Variants in TRAF3IP1 observed in about 807,000 individuals in gnomAD.
The protein encoded by TRAF3IP1 is TRAF3-interacting protein 1.
In TRAF3IP1, 53 loss-of-function variants were observed where a neutral mutation model predicts 89.9. The observed-to-expected ratio is 0.59, with a 90% confidence interval of 0.47 to 0.74. The LOEUF is 0.74. Among genes scored for constraint, TRAF3IP1 ranks in the 30% least tolerant of loss-of-function variants. The pLI is 0.00. For missense variants in TRAF3IP1, 806 were observed against 866.1 expected (o/e 0.93, Z 0.87); for synonymous variants, 311 against 322.1 (o/e 0.97, Z 0.37).
intron 15 of TRAF3IP1, among the ~76,000 whole-genome samples, chr2:238,367,219 A>G (rs1243293253): frequency 1.3e-5 from 2 of 149,668 alleles, no homozygotes; most frequent in South Asian, 2.1e-4. Flanking sequence ...TTAGAATTAA[A>G]TAGAATTTAG....
chr2:238,369,115 T>C (rs1442177700), intron 15 of TRAF3IP1, among the ~76,000 whole-genome samples: 1 of 152,204 alleles, frequency 6.6e-6, no homozygotes, highest in Non-Finnish European at 1.5e-5. Context: ...AACAAAGCTT[T>C]TATTGTACTA....
In TRAF3IP1 at chr2:238,329,194, G is replaced by A; in HGVS notation, c.767G>A (p.Gly256Glu). The change falls in exon 5 of 17, where the codon GGG becomes GAG. Residue 256 changes from glycine (G) to glutamate (E), a missense_variant. Gly to Glu is a moderately conservative substitution (Grantham distance 98). Transcript: ENST00000373327. ...KKETERKSEG[G>E]KEKERLRDRD... The stretch of plus-strand genomic sequence containing the variant: ...GAGACAGAGAGAAAGAGTGAGGGGG[G>A]GAAAGAGAAGGAGAGACTGAGAGAC... The A allele has an allele frequency of 1.3e-6, 2 of 1,567,488 alleles. No individual in the cohort carries two copies. The highest frequency in any genetic ancestry group is 2.0e-5 in the Admixed American group (1 of 50,392).
At position 238,325,960 on chromosome 2, in the gene TRAF3IP1, G is replaced by C. The variant is rs1296965712; in HGVS notation, c.344G>C (p.Cys115Ser). Residue 115 changes from cysteine (C) to serine (S), a missense_variant, in exon 3 of 17, where the codon TGT becomes TCT. Transcript: ENST00000373327. ...CTGCTCCAGATAATTGGAAAATGCT[G>C]TCTCAACAAGGTACTACTGCTGTCC... ...NELLQIIGKC[C>S]LNKLSSDDAV... 6.2e-7 allele frequency: 1 copy of C among 1,612,556 alleles called. No individual in the cohort carries two copies. The highest frequency in any genetic ancestry group is 8.5e-7 in the Non-Finnish European group (1 of 1,179,634).
At chr2:238,325,743 A>G in intron 2 of TRAF3IP1, 66 bp from the exon 3 acceptor site, 2 of 1,471,086 alleles carry the variant, frequency 1.4e-6, no homozygotes, top group Non-Finnish European at 1.9e-6. Flanking sequence ...CCTGGTAAAC[A>G]TACAGAAGAT....
intron 15 of TRAF3IP1, among the ~76,000 whole-genome samples, chr2:238,388,113 C>A (rs1409881712): frequency 6.6e-6 from 1 of 151,648 alleles, no homozygotes; most frequent in African/African-American, 2.4e-5. Flanking sequence ...GTGGCTTATG[C>A]CTGTTATCCC....
chr2:238,400,420 C>CA lies in TRAF3IP1; in HGVS notation c.*1504dup, dbSNP rs1459947021. On this transcript the variant is annotated 3_prime_UTR_variant, in exon 17 of 17. Coordinates refer to ENST00000373327, the MANE Select transcript of TRAF3IP1 (RefSeq NM_015650.4). The stretch of plus-strand genomic sequence containing the variant: ...GGTTTTGTTTCTTTAAGGATTAGCA[C>CA]AAATGGCACCGTTGGGTTTTTCTTC... 3.9e-5 allele frequency: 6 copies of CA among 152,158 alleles called. No homozygotes were observed. The highest frequency in any genetic ancestry group is 2.0e-4 in the Admixed American group (3 of 15,260). 9.4% of individuals were successfully genotyped at this position (152,158 alleles called of 1,614,324 possible).
intron 15 of TRAF3IP1, among the ~76,000 whole-genome samples, chr2:238,381,643 C>G (rs1474372704): frequency 6.6e-6 from 1 of 152,226 alleles, no homozygotes; most frequent in Non-Finnish European, 1.5e-5. Context: ...TGATGGGCCA[C>G]TGCCCTGCAC....
At chr2:238,342,962 T>C (rs974811361) in intron 8 of TRAF3IP1, among the ~76,000 whole-genome samples, 1 of 152,204 alleles carries the variant, frequency 6.6e-6, no homozygotes, top group Non-Finnish European at 1.5e-5. Context: ...AAAGGGAACA[T>C]TTTACAATTT....
intron 6 of TRAF3IP1, among the ~76,000 whole-genome samples, chr2:238,333,523 G>C (rs1354761219): frequency 6.6e-6 from 1 of 152,184 alleles, no homozygotes; most frequent in Non-Finnish European, 1.5e-5. Flanking sequence ...GGTGAGACTG[G>C]AACTGTGCCA....
chr2:238,393,004 A>G (rs1271544529), intron 15 of TRAF3IP1, among the ~76,000 whole-genome samples: 5 of 152,266 alleles, frequency 3.3e-5, no homozygotes, highest in Middle Eastern at 3.2e-3. Flanking sequence ...AAGCATCCGC[A>G]TGCATTTGTA....
chr2:238,355,186 G>C (rs1216050747), intron 14 of TRAF3IP1, among the ~76,000 whole-genome samples: 4 of 152,116 alleles, frequency 2.6e-5, no homozygotes. Flanking sequence ...TACAAAACCA[G>C]GTATAATCAG....
At chr2:238,339,452 C>T (rs979082631) in intron 8 of TRAF3IP1, among the ~76,000 whole-genome samples, 2 of 152,324 alleles carry the variant, frequency 1.3e-5, no homozygotes, top group East Asian at 3.9e-4. Context: ...TCTCCAGGCG[C>T]CTGGGGGGAA....
At chr2:238,322,687 CAAA>C (rs71043130) in intron 1 of TRAF3IP1, among the ~76,000 whole-genome samples, 8 of 43,582 alleles carry the variant, frequency 1.8e-4, no homozygotes, top group African/African-American at 3.3e-4. Flanking sequence ...GACCCTGTCT[CAAA>C]AAAAAAAAAA....
chr2:238,334,210 CGTGTGTGCACAA>C (rs951248525), intron 7 of TRAF3IP1, among the ~76,000 whole-genome samples, 175 bp downstream of exon 7: 2 of 151,994 alleles, frequency 1.3e-5, no homozygotes, highest in African/African-American at 4.8e-5. Context: ...CATACACATG[CGTGTGTGCACAA>C]GTGTGTGAAC....
chr2:238,347,370 G>T, intron 9 of TRAF3IP1, 85 bp from the exon 10 acceptor site: 3 of 1,449,374 alleles, frequency 2.1e-6, no homozygotes, highest in South Asian at 2.3e-5. Flanking sequence ...TGTACAGTGT[G>T]TTTTTTCTCC....
intron 15 of TRAF3IP1, among the ~76,000 whole-genome samples, chr2:238,371,346 G>GA (rs1333467555): frequency 6.6e-6 from 1 of 151,932 alleles, no homozygotes; most frequent in Middle Eastern, 3.2e-3. Flanking sequence ...TGTACATCAA[G>GA]AAAAAATAGG....
At chr2:238,387,678 T>C (rs1700829460) in intron 15 of TRAF3IP1, among the ~76,000 whole-genome samples, 1 of 152,188 alleles carries the variant, frequency 6.6e-6, no homozygotes, top group Non-Finnish European at 1.5e-5. Flanking sequence ...ATAACCCAAA[T>C]GTTGTCCGTC....
intron 11 of TRAF3IP1, 24 bp downstream of exon 11, chr2:238,348,872 C>A: frequency 6.2e-7 from 1 of 1,604,048 alleles, no homozygotes; most frequent in African/African-American, 1.3e-5. Flanking sequence ...GAATCCCTTT[C>A]CCTCAGCAGA....
intron 15 of TRAF3IP1, among the ~76,000 whole-genome samples, chr2:238,364,600 T>G (rs1267962312): frequency 6.6e-6 from 1 of 152,126 alleles, no homozygotes; most frequent in Non-Finnish European, 1.5e-5. Flanking sequence ...TTCAGTCTCC[T>G]TTTACATGAT....
Sources: gnomAD v4.1 joint callset for allele counts (sites outside exome capture counted in the v4.1 genomes callset) on GRCh38, gnomAD v4.1.1 for gene constraint, MANE v1.5 for transcripts, NCBI Gene and HGNC (gene_info 2026-07-23, HGNC 2026-07-21) for gene names.